Variants in CPT1A observed in about 807,000 individuals in gnomAD.
CPT1A encodes the protein carnitine palmitoyltransferase 1A, also known as carnitine O-palmitoyltransferase 1, liver isoform.
A neutral mutation model predicts 100.8 loss-of-function variants in CPT1A; 64 were observed. That is an observed-to-expected ratio of 0.63 (90% CI 0.52 to 0.78). The LOEUF is 0.78. Among genes scored for constraint, CPT1A ranks in the 30% least tolerant of loss-of-function variants. CPT1A has a pLI of 0.00. For missense variants in CPT1A, 802 were observed against 1,034.1 expected, an observed-to-expected ratio of 0.78 and a Z score of 3.08; for synonymous variants, 363 against 396.0, an observed-to-expected ratio of 0.92 and a Z score of 0.99.
At position 68,781,958 on chromosome 11, in the gene CPT1A, C is replaced by T. The variant is rs771036007; in HGVS notation, c.1165G>A (p.Val389Ile). The T allele has an allele frequency of 8.1e-6, 13 of 1,614,022 alleles. No homozygotes were observed. In the East Asian group the frequency reaches 1.3e-4, roughly 17 times the overall value. ...GCCTGACGACACCTGGCCCAGGGAACTCTGCAGTGAAGATGAAATACGATT... is the reference window on the plus strand; with the variant it reads ...GCCTGACGACACCTGGCCCAGGGAATTCTGCAGTGAAGATGAAATACGATT... ...RLAALTAGDR[V>I]PWARCRQAYF... The change falls in exon 11 of 19, where the codon GTT becomes ATT. Residue 389 changes from valine to isoleucine, a missense_variant and splice_region_variant. Transcript: ENST00000265641.
At chr11:68,783,343 G>C (rs1416184539) in intron 10 of CPT1A, among the ~76,000 whole-genome samples, 1 of 143,880 alleles carries the variant, frequency 7.0e-6, no homozygotes, top group Non-Finnish European at 1.5e-5. Flanking sequence ...AAATATGATT[G>C]GGTGCCTGGG....
chr11:68,802,863 C>T (rs1855940740), intron 5 of CPT1A, among the ~76,000 whole-genome samples: 1 of 139,838 alleles, frequency 7.2e-6, no homozygotes, highest in Non-Finnish European at 1.5e-5. Flanking sequence ...CGCCACTGCA[C>T]TCTAGCCTGA....
rs188401817 is a variant in CPT1A, at chr11:68,782,112, G to A, written c.1164-153C>T. Among the ~76,000 whole-genome samples the A allele has an allele frequency of 3.3e-5, 5 of 152,334 alleles. No individual in the cohort carries two copies. The East Asian group carries it at 9.6e-4, about 29-fold the overall frequency. ...TGTTCCCCATCTGAGACTGTTTGCT[G>A]GAAGGACTCTCACCTGCTCCTGGTC... On this transcript the variant is annotated intron_variant, in intron 10 of 18. Transcript: ENST00000265641.
At chr11:68,778,804 G>GTAAAAAAAAAAAAAAAAAAAAAA (rs1594332058) in intron 12 of CPT1A, among the ~76,000 whole-genome samples, 1 of 147,574 alleles carries the variant, frequency 6.8e-6, no homozygotes, top group East Asian at 2.0e-4. Flanking sequence ...TTTTTTTTTT[G>GTAAAAAAAAAAAAAAAAAAAAAA]AGATGGAGTC....
At chr11:68,825,653 G>A (rs1052063276) in intron 1 of CPT1A, among the ~76,000 whole-genome samples, 1 of 151,342 alleles carries the variant, frequency 6.6e-6, no homozygotes, top group Non-Finnish European at 1.5e-5. Context: ...CCTCCCCCCA[G>A]TGCCCGCCTC....
chr11:68,815,890 C>T (rs557209693), intron 1 of CPT1A, among the ~76,000 whole-genome samples: 1 of 132,736 alleles, frequency 7.5e-6, no homozygotes, highest in South Asian at 2.6e-4. Context: ...GGACGTCCCC[C>T]GGAACCATGC....
upstream of CPT1A, among the ~76,000 whole-genome samples, chr11:68,843,979 C>A (rs1295011185): frequency 6.6e-6 from 1 of 152,276 alleles, no homozygotes; most frequent in South Asian, 2.1e-4. This position sits in a 1 kb window ranked among gnomAD's most constrained non-coding sequence, Gnocchi z 4.0. Context: ...TCGCTCAGCG[C>A]CCCGGTGCGC....
chr11:68,816,986 C>G (rs1222683106), intron 1 of CPT1A, among the ~76,000 whole-genome samples: 5 of 33,906 alleles, frequency 1.5e-4, no homozygotes, highest in East Asian at 1.8e-3. Flanking sequence ...TGGGGGGGTG[C>G]GTGGGTGTGT....
chr11:68,769,959 G>A (rs965127625), intron 14 of CPT1A, among the ~76,000 whole-genome samples: 15 of 151,640 alleles, frequency 9.9e-5, no homozygotes, highest in African/African-American at 3.6e-4. Context: ...TGAGGCAGGA[G>A]AATCACTTGA....
intron 1 of CPT1A, among the ~76,000 whole-genome samples, chr11:68,821,752 A>C (rs1191161490): frequency 6.6e-6 from 1 of 152,130 alleles, no homozygotes; most frequent in Non-Finnish European, 1.5e-5. Context: ...GGTTGGTTAA[A>C]TCCACAGAAG....
intron 9 of CPT1A, among the ~76,000 whole-genome samples, chr11:68,788,141 T>C (rs781030724): frequency 6.6e-6 from 1 of 152,046 alleles, no homozygotes; most frequent in Non-Finnish European, 1.5e-5. Flanking sequence ...TCTGTGGTAT[T>C]TGTTATGGTG....
At chr11:68,807,425 A>C in intron 4 of CPT1A, 42 bp downstream of exon 4, 22 of 1,599,946 alleles carry the variant, frequency 1.4e-5, no homozygotes, top group Non-Finnish European at 1.7e-5. Flanking sequence ...CCCAAAGCCC[A>C]AACTGTCCAC....
At chr11:68,783,145 C>G (rs2924680) in intron 10 of CPT1A, among the ~76,000 whole-genome samples, 4 of 152,102 alleles carry the variant, frequency 2.6e-5, no homozygotes, top group Non-Finnish European at 5.9e-5. Context: ...TCCTCCATCC[C>G]GCTCCTGCTC....
chr11:68,835,811 C>T (rs929641714), intron 1 of CPT1A, among the ~76,000 whole-genome samples: 4 of 152,152 alleles, frequency 2.6e-5, no homozygotes, highest in Admixed American at 1.3e-4. Context: ...GGTTCAAATC[C>T]CAGCTCTACC....
At chr11:68,800,186 A>G (rs1855866309) in intron 5 of CPT1A, among the ~76,000 whole-genome samples, 1 of 152,142 alleles carries the variant, frequency 6.6e-6, no homozygotes, top group African/African-American at 2.4e-5. Context: ...GAACCAGGCT[A>G]AGGCCAGTGC....
chr11:68,826,050 A>G (rs1228214364), intron 1 of CPT1A, among the ~76,000 whole-genome samples: 1 of 152,038 alleles, frequency 6.6e-6, no homozygotes, highest in African/African-American at 2.4e-5. Flanking sequence ...AGCCATTCGC[A>G]CCACACCCGC....
rs1430716022 is a variant in CPT1A at position 68,781,796 on chromosome 11, G to C, written c.1327C>G (p.Leu443Val). 1 of 1,614,194 alleles carries C rather than the reference G, an allele frequency of 6.2e-7. No individual in the cohort carries two copies. Among genetic ancestry groups the C allele is most frequent in the Non-Finnish European group, 8.5e-7 (1 of 1,180,032 alleles). Residue 443 changes from leucine (L) to valine (V), a missense_variant, in exon 11 of 19, where the codon CTA (leucine) becomes GTA (valine). Leu to Val is a conservative substitution (Grantham distance 32, BLOSUM62 1). Coordinates refer to ENST00000265641, the MANE Select transcript of CPT1A (RefSeq NM_001876.4). Reference sequence around the variant, plus strand: ...CTGTCGTAACATCGGCCGTGTAGTAGAGATTTGGCGTAGCTGTCCATTGAC... The same window carrying C: ...CTGTCGTAACATCGGCCGTGTAGTACAGATTTGGCGTAGCTGTCCATTGAC... The part of the protein sequence containing the change: ...DTSMDSYAKS[L>V]LHGRCYDRWF...
At chr11:68,816,914 G>GGT (rs143274574) in intron 1 of CPT1A, among the ~76,000 whole-genome samples, 1 of 120,522 alleles carries the variant, frequency 8.3e-6, no homozygotes. Flanking sequence ...GTGTGTGTGT[G>GGT]GTGTGTGTGT....
chr11:68,831,792 C>T (rs905472005), intron 1 of CPT1A, among the ~76,000 whole-genome samples: 3 of 151,928 alleles, frequency 2.0e-5, no homozygotes, highest in Non-Finnish European at 4.4e-5. Context: ...CACCACCACG[C>T]CTGGCTAATT....
Sources: allele counts gnomAD v4.1 joint callset (sites outside exome capture counted in the v4.1 genomes callset), GRCh38; gene constraint gnomAD v4.1.1; non-coding constraint Gnocchi (gnomAD v3.1); transcripts MANE v1.5; gene names NCBI Gene and HGNC (gene_info 2026-07-23, HGNC 2026-07-21).